The following SYT1 variants were observed in gnomAD, a reference collection of about 807,000 sequenced individuals.
SYT1 encodes synaptotagmin 1.
Under a neutral mutation model 44.8 loss-of-function variants are expected in SYT1, and 8 were observed. The ratio of observed to expected loss-of-function variants is 0.18; its 90% CI spans 0.10 to 0.32. The LOEUF (loss-of-function observed/expected upper bound fraction) is 0.32. SYT1 is among the 10% of genes least tolerant of loss of function. The pLI is 1.00. For missense variants in SYT1, 286 were observed against 509.3 expected (o/e 0.56, Z 4.22); for synonymous variants, 154 against 188.8 (o/e 0.82, Z 1.51).
rs1868461737 is a variant in SYT1, at chr12:78,972,602, A to G, written c.-216-5197A>G. 3.3e-5 allele frequency among the ~76,000 whole-genome samples: 5 copies of G among 151,752 alleles called. No homozygotes were observed. In the South Asian group the frequency reaches 6.2e-4, roughly 19 times the overall value. On this transcript the variant is annotated intron_variant, in intron 1 of 10. Transcript: ENST00000261205. Reference sequence around the variant, plus strand: ...TTATTTAAGTTGGTGTATTAAACCAATTTATATCTAATCCAGTGAAATTTA... The same window carrying G: ...TTATTTAAGTTGGTGTATTAAACCAGTTTATATCTAATCCAGTGAAATTTA...
intron 3 of SYT1, among the ~76,000 whole-genome samples, chr12:79,147,680 A>C (rs1018601432): frequency 6.6e-6 from 1 of 152,200 alleles, no homozygotes; most frequent in Admixed American, 6.5e-5. Context: ...GAACAGTCCC[A>C]TCACAATGAT....
intron 8 of SYT1, among the ~76,000 whole-genome samples, chr12:79,315,192 ATTATTT>A (rs2138955179): frequency 6.6e-6 from 1 of 152,060 alleles, no homozygotes; most frequent in Non-Finnish European, 1.5e-5. Flanking sequence ...TATTTTCTTT[ATTATTT>A]TTATATTAAA....
chr12:79,238,298 C>T (rs1876305581), intron 4 of SYT1, among the ~76,000 whole-genome samples: 1 of 151,974 alleles, frequency 6.6e-6, no homozygotes, highest in Non-Finnish European at 1.5e-5. Flanking sequence ...AAAGTATGAC[C>T]CAACTTTTTT....
intron 3 of SYT1, among the ~76,000 whole-genome samples, chr12:79,196,187 G>A (rs1873447314): frequency 6.7e-6 from 1 of 150,176 alleles, no homozygotes; most frequent in African/African-American, 2.4e-5. Flanking sequence ...TGTTGTTGTT[G>A]AGATGGAACC....
At chr12:79,048,080 A>G (rs957009678) in intron 3 of SYT1, among the ~76,000 whole-genome samples, 4 of 151,890 alleles carry the variant, frequency 2.6e-5, no homozygotes, top group African/African-American at 7.2e-5. Context: ...AGCAAAACCC[A>G]TGTTGATGAC....
At chr12:78,899,666 C>T (rs1008354733) in intron 1 of SYT1, among the ~76,000 whole-genome samples, 12 of 151,538 alleles carry the variant, frequency 7.9e-5, no homozygotes, top group African/African-American at 2.7e-4. Context: ...TTTAATGTAG[C>T]GCTTAAAAAT....
At chr12:78,922,136 T>C (rs867243144) in intron 1 of SYT1, among the ~76,000 whole-genome samples, 2 of 151,938 alleles carry the variant, frequency 1.3e-5, no homozygotes, top group Non-Finnish European at 2.9e-5. Context: ...TAAAATAAGG[T>C]TTTATGAACT....
intron 3 of SYT1, among the ~76,000 whole-genome samples, chr12:79,116,238 T>C (rs532443772): frequency 3.3e-5 from 5 of 152,256 alleles, no homozygotes; most frequent in Admixed American, 3.3e-4. Context: ...ATGGCTGATA[T>C]TTTTGTTGTT....
intron 1 of SYT1, among the ~76,000 whole-genome samples, chr12:78,972,101 GAACA>G (rs1250655825): frequency 6.6e-6 from 1 of 151,924 alleles, no homozygotes; most frequent in African/African-American, 2.4e-5. Flanking sequence ...CTTAAACTAA[GAACA>G]AACAATTGAA....
chr12:79,153,860 G>A (rs1360040568), intron 3 of SYT1, among the ~76,000 whole-genome samples: 2 of 152,056 alleles, frequency 1.3e-5, no homozygotes, highest in Non-Finnish European at 2.9e-5. Context: ...CAAGTTGAAT[G>A]TTTATCAGTT....
At chr12:79,343,536 C>G (rs1241582876) in intron 8 of SYT1, among the ~76,000 whole-genome samples, 1 of 152,190 alleles carries the variant, frequency 6.6e-6, no homozygotes, top group Admixed American at 6.5e-5. Flanking sequence ...TAATAAGAAG[C>G]AGACTTGGGA....
chr12:79,267,181 T>C (rs1878179858), intron 4 of SYT1, among the ~76,000 whole-genome samples: 1 of 152,256 alleles, frequency 6.6e-6, no homozygotes, highest in South Asian at 2.1e-4. Context: ...CCTTAAATTA[T>C]AAAATATCAG....
intron 1 of SYT1, among the ~76,000 whole-genome samples, chr12:78,959,043 T>C (rs1336609691): frequency 6.6e-6 from 1 of 152,166 alleles, no homozygotes. Flanking sequence ...TAAAAAGCTA[T>C]AAAACTGCAG....
intron 3 of SYT1, among the ~76,000 whole-genome samples, chr12:79,166,262 G>A (rs1871217740): frequency 6.6e-6 from 1 of 151,988 alleles, no homozygotes; most frequent in Non-Finnish European, 1.5e-5. Context: ...GAGTCAGTCT[G>A]TCAGGTTCTG....
intron 3 of SYT1, among the ~76,000 whole-genome samples, chr12:79,075,903 A>G (rs919365198): frequency 1.2e-4 from 19 of 152,194 alleles, no homozygotes; most frequent in African/African-American, 4.3e-4. Flanking sequence ...CACAAATTAT[A>G]TCAACCTTGT....
At chr12:79,165,658 A>T (rs1186607240) in intron 3 of SYT1, among the ~76,000 whole-genome samples, 5 of 151,998 alleles carry the variant, frequency 3.3e-5, no homozygotes, top group Admixed American at 6.6e-5. Flanking sequence ...TGCTATTTGA[A>T]GACCTGACTC....
In SYT1 at chr12:79,027,668, T is replaced by C. The variant is rs1375103522; in HGVS notation, c.-83-19629T>C. ...TTTGTGATCTTAAAAAAATTCATTT[T>C]TTTCCCAAAGAAGAAGTCAAACTAA... On this transcript the variant is annotated intron_variant, in intron 2 of 10. Coordinates refer to ENST00000261205, the MANE Select transcript of SYT1 (RefSeq NM_005639.3). Among the ~76,000 whole-genome samples, 3 of 151,462 alleles carry C rather than the reference T, an allele frequency of 2.0e-5. No individual in the cohort carries two copies. The Admixed American group carries it at 2.0e-4, about 10-fold the overall frequency.
intron 9 of SYT1, among the ~76,000 whole-genome samples, chr12:79,359,594 G>A (rs1232002076): frequency 1.3e-5 from 2 of 152,144 alleles, no homozygotes; most frequent in African/African-American, 4.8e-5. Flanking sequence ...GGGACTCGTG[G>A]TGATGAAGGA....
chr12:79,378,952 G>A (rs1458356148), intron 9 of SYT1, among the ~76,000 whole-genome samples: 1 of 152,104 alleles, frequency 6.6e-6, no homozygotes, highest in East Asian at 1.9e-4. Flanking sequence ...TTCCAAAATC[G>A]ATAGAAAAAT....
Sources: gnomAD v4.1 joint callset for allele counts (sites outside exome capture counted in the v4.1 genomes callset) on GRCh38, gnomAD v4.1.1 for gene constraint, MANE v1.5 for transcripts, NCBI Gene and HGNC (gene_info 2026-07-23, HGNC 2026-07-21) for gene names.